Variants in GRM7 observed in about 807,000 individuals in gnomAD.
GRM7 encodes metabotropic glutamate receptor 7.
Under a neutral mutation model 84.5 loss-of-function variants are expected in GRM7, and 35 were observed. The observed-to-expected ratio is 0.41, with a 90% CI of 0.32 to 0.55. The LOEUF (loss-of-function observed/expected upper bound fraction) is 0.55. Among genes scored for constraint, GRM7 ranks in the 20% least tolerant of loss-of-function variants. GRM7 has a pLI of 0.19. For missense variants in GRM7, 1,003 were observed against 1,194.6 expected (o/e 0.84, Z 2.36); for synonymous variants, 487 against 455.1 (o/e 1.07, Z -0.89).
Position 6,861,959 on chromosome 3 carries a change from T to G in GRM7, c.519+52T>G. 6.7e-7 allele frequency: 1 copy of G among 1,488,860 alleles called. No individual in the cohort carries two copies. Among genetic ancestry groups the G allele is most frequent in the Non-Finnish European group, 9.2e-7 (1 of 1,090,062 alleles). The allele number at this position is 1,488,860 out of a possible 1,614,324, so 92.2% of individuals were successfully genotyped here. ...AGCACACAGTGGCTACCTGCGCCCT[T>G]AACCCTAAAAGCTGGCTTGGACTCC... is the stretch of plus-strand genomic sequence containing the variant. On this transcript the variant is annotated intron_variant, in intron 1 of 9. Transcript: ENST00000357716. The surrounding 1 kb of genome is among the most constrained non-coding windows in gnomAD (Gnocchi z 6.4).
At chr3:7,084,596 C>A (rs1698380839) in intron 1 of GRM7, among the ~76,000 whole-genome samples, 1 of 152,012 alleles carries the variant, frequency 6.6e-6, no homozygotes, top group African/African-American at 2.4e-5. Context: ...GAGAGAAGAT[C>A]CTGGGAGGAG....
chr3:6,869,352 A>G (rs1329611748), intron 1 of GRM7, among the ~76,000 whole-genome samples: 1 of 152,226 alleles, frequency 6.6e-6, no homozygotes, highest in Non-Finnish European at 1.5e-5. Context: ...TGCATGAAGT[A>G]TGCATGGAAA....
intron 1 of GRM7, among the ~76,000 whole-genome samples, chr3:6,865,826 G>A (rs765786133): frequency 2.0e-5 from 3 of 151,868 alleles, no homozygotes; most frequent in African/African-American, 7.3e-5. Context: ...GTATTACTAC[G>A]GTGGTGAAAT....
chr3:7,651,736 C>A (rs1434931256), intron 8 of GRM7, among the ~76,000 whole-genome samples: 1 of 152,192 alleles, frequency 6.6e-6, no homozygotes. Context: ...TTTGAGATAA[C>A]AGAGTCCCAT....
intron 8 of GRM7, among the ~76,000 whole-genome samples, chr3:7,643,770 T>C (rs1227095711): frequency 6.6e-6 from 1 of 152,126 alleles, no homozygotes; most frequent in Non-Finnish European, 1.5e-5. Flanking sequence ...ACAATTATTG[T>C]CCCACAGTGC....
chr3:7,394,104 C>T (rs916918208), intron 4 of GRM7, among the ~76,000 whole-genome samples: 12 of 152,228 alleles, frequency 7.9e-5, no homozygotes, highest in South Asian at 2.1e-4. Context: ...TTAAATAACA[C>T]GCCCAAGTCC....
chr3:7,182,100 C>A (rs543849682), intron 2 of GRM7, among the ~76,000 whole-genome samples: 47 of 152,150 alleles, frequency 3.1e-4, no homozygotes, highest in African/African-American at 1.1e-3. Context: ...TAACTGTTTT[C>A]TTTTTTGACT....
intron 1 of GRM7, among the ~76,000 whole-genome samples, chr3:6,867,231 G>A (rs571594395): frequency 2.0e-4 from 30 of 152,290 alleles, no homozygotes; most frequent in African/African-American, 7.0e-4. Flanking sequence ...ATTAATGTAA[G>A]GTTCACTAAC....
chr3:7,701,256 G>A (rs1035349998), intron 9 of GRM7, among the ~76,000 whole-genome samples: 4 of 151,624 alleles, frequency 2.6e-5, no homozygotes, highest in African/African-American at 9.7e-5. Flanking sequence ...GGCCACTGGA[G>A]GCCTGGTTTT....
At chr3:6,933,443 T>C (rs545505044) in intron 1 of GRM7, among the ~76,000 whole-genome samples, 18 of 152,332 alleles carry the variant, frequency 1.2e-4, no homozygotes, top group Admixed American at 9.8e-4. Context: ...TTAAATCCAA[T>C]AGATGCTGCT....
At chr3:7,053,364 G>A (rs761597660) in intron 1 of GRM7, among the ~76,000 whole-genome samples, 6 of 151,236 alleles carry the variant, frequency 4.0e-5, no homozygotes, top group Non-Finnish European at 8.9e-5. Flanking sequence ...GTTTTTCAAT[G>A]ATGTATGAAA....
intron 4 of GRM7, among the ~76,000 whole-genome samples, chr3:7,353,138 C>T (rs1030207475): frequency 3.9e-5 from 6 of 152,074 alleles, no homozygotes; most frequent in Non-Finnish European, 5.9e-5. Context: ...CCCCTGGAGC[C>T]ACCTCCACCA....
At chr3:7,525,574 T>G (rs1700762259) in intron 7 of GRM7, among the ~76,000 whole-genome samples, 1 of 152,038 alleles carries the variant, frequency 6.6e-6, no homozygotes, top group African/African-American at 2.4e-5. Context: ...GAATGAATTA[T>G]TTAGGGGGTA....
intron 8 of GRM7, among the ~76,000 whole-genome samples, chr3:7,679,653 T>C (rs1311331035): frequency 1.3e-5 from 2 of 152,208 alleles, no homozygotes; most frequent in Admixed American, 6.5e-5. Flanking sequence ...GAAGAAATCA[T>C]GGAGTGTGAA....
rs143523265 is a variant in GRM7 at position 7,301,841 on chromosome 3, C to T, written c.878+3016C>T. Among the ~76,000 whole-genome samples the T allele has an allele frequency of 3.8e-3, 576 of 152,162 alleles. 3 individuals carry two copies. The highest frequency in any genetic ancestry group is 0.013 in the African/African-American group (549 of 41,520). On this transcript the variant is annotated intron_variant, in intron 3 of 9. Coordinates refer to ENST00000357716, the MANE Select transcript of GRM7 (RefSeq NM_000844.4). ...CATAATGTTACGTTATTTCTTTCTTCGGAAGATTTACATTGTAGATGGGAA... is the reference window on the plus strand; with the variant it reads ...CATAATGTTACGTTATTTCTTTCTTTGGAAGATTTACATTGTAGATGGGAA...
intron 1 of GRM7, among the ~76,000 whole-genome samples, chr3:6,953,472 T>A (rs907186396): frequency 6.6e-6 from 1 of 152,222 alleles, no homozygotes; most frequent in African/African-American, 2.4e-5. Flanking sequence ...TCTTTGGTCT[T>A]TTAACCCCTT....
chr3:7,267,505 G>C (rs942033257), intron 2 of GRM7, among the ~76,000 whole-genome samples: 1 of 152,156 alleles, frequency 6.6e-6, no homozygotes, highest in African/African-American at 2.4e-5. Context: ...GGAGACTCAG[G>C]GAAAGAATAG....
rs1575058725 is a variant in GRM7 at position 7,229,739 on chromosome 3, A to T, written c.737-68945A>T. Among the ~76,000 whole-genome samples, 2 of 26,250 alleles carry T rather than the reference A, an allele frequency of 7.6e-5. 1 individual carries two copies. The highest frequency in any genetic ancestry group is 1.4e-4 in the Non-Finnish European group (2 of 13,828). The allele number at this position is 26,250 out of a possible 152,430, so 17.2% of individuals were successfully genotyped here. ...CATAGACACACACATATATATATAT[A>T]TATATATATATATATATATATTTTT... is the stretch of plus-strand genomic sequence containing the variant. On this transcript the variant is annotated intron_variant, in intron 2 of 9. Transcript: ENST00000357716.
chr3:7,677,400 T>A (rs1437669925), intron 8 of GRM7, among the ~76,000 whole-genome samples: 2 of 152,118 alleles, frequency 1.3e-5, no homozygotes, highest in Admixed American at 6.5e-5. Context: ...GGTACTATTT[T>A]TATGCTCATT....
Sources: gnomAD v4.1 joint callset for allele counts (sites outside exome capture counted in the v4.1 genomes callset) on GRCh38, gnomAD v4.1.1 for gene constraint, Gnocchi (gnomAD v3.1) non-coding constraint, MANE v1.5 for transcripts, NCBI Gene and HGNC (gene_info 2026-07-23, HGNC 2026-07-21) for gene names.